TAFA1: variants seen among roughly 807,000 people sequenced by gnomAD.
The protein encoded by TAFA1 is chemokine-like protein TAFA-1.
TAFA1 carries 4 observed loss-of-function variants against 18.5 expected under a neutral mutation model. The observed-to-expected ratio is 0.22, with a 90% confidence interval of 0.11 to 0.49. TAFA1 has a LOEUF of 0.49. Ranked by LOEUF, TAFA1 falls within the 20% of genes least tolerant of loss-of-function variation. The pLI is 0.98. For missense variants in TAFA1, 147 were observed against 169.0 expected (o/e 0.87, Z 0.72); for synonymous variants, 56 against 55.2 (o/e 1.01, Z -0.06).
intron 3 of TAFA1, among the ~76,000 whole-genome samples, chr3:68,474,855 C>T (rs572192964): frequency 6.6e-6 from 1 of 152,116 alleles, no homozygotes; most frequent in African/African-American, 2.4e-5. Flanking sequence ...ACAAAGATAA[C>T]TTTGACTACC....
chr3:68,456,103 C>T (rs776137219), intron 3 of TAFA1, among the ~76,000 whole-genome samples: 3 of 152,080 alleles, frequency 2.0e-5, no homozygotes, highest in Non-Finnish European at 4.4e-5. Flanking sequence ...CAAGGTACTT[C>T]CTGACTTCAG....
chr3:68,248,227 T>A (rs576549746), intron 2 of TAFA1, among the ~76,000 whole-genome samples: 3 of 152,270 alleles, frequency 2.0e-5, no homozygotes, highest in Admixed American at 6.5e-5. Context: ...ATAACCTTTA[T>A]GCAGTGGCAA....
intron 2 of TAFA1, among the ~76,000 whole-genome samples, chr3:68,283,465 T>C (rs1285560241): frequency 2.0e-5 from 3 of 152,222 alleles, no homozygotes; most frequent in Non-Finnish European, 4.4e-5. Flanking sequence ...CTAAATCTAA[T>C]ACATTCCTCA....
At chr3:68,386,567 G>C (rs1310606026) in intron 2 of TAFA1, among the ~76,000 whole-genome samples, 1 of 152,130 alleles carries the variant, frequency 6.6e-6, no homozygotes, top group East Asian at 1.9e-4. Flanking sequence ...GACTGGCCTA[G>C]CTACAGATAG....
At chr3:68,208,147 G>A (rs763374988) in intron 2 of TAFA1, among the ~76,000 whole-genome samples, 1 of 151,970 alleles carries the variant, frequency 6.6e-6, no homozygotes, top group Non-Finnish European at 1.5e-5. Flanking sequence ...AATCACTGCT[G>A]TATGAAGGAT....
intron 2 of TAFA1, among the ~76,000 whole-genome samples, chr3:68,029,640 G>A (rs2106647743): frequency 6.6e-6 from 1 of 152,300 alleles, no homozygotes; most frequent in South Asian, 2.1e-4. Flanking sequence ...CTGCCATGAT[G>A]CAAACGTAAA....
intron 2 of TAFA1, among the ~76,000 whole-genome samples, chr3:68,407,184 T>A (rs1244590074): frequency 1.3e-5 from 2 of 152,126 alleles, no homozygotes; most frequent in African/African-American, 4.8e-5. Flanking sequence ...TTCCCACCAA[T>A]AATTCTGACC....
intron 2 of TAFA1, among the ~76,000 whole-genome samples, chr3:68,140,603 A>G (rs6549018): frequency 0.94 from 142,762 of 152,222 alleles, 67,029 homozygotes; most frequent in South Asian, 0.97. Context: ...TCCAACTTTG[A>G]TCAAGTTCCT....
chr3:68,028,738 C>CT lies in TAFA1; in HGVS notation c.118+22003dup, dbSNP rs1238972612. On this transcript the variant is annotated intron_variant, in intron 2 of 4. Transcript: ENST00000478136. ...CTGTCAAATCTCCCTCAGCCTCACT[C>CT]TTTTTTTTTAAAATTTTTTTTTTTA... 6.2e-4 allele frequency among the ~76,000 whole-genome samples: 62 copies of CT among 100,574 alleles called. No individual in the cohort carries two copies. In the East Asian group the frequency reaches 0.013, roughly 22 times the overall value. The allele number at this position is 100,574 out of a possible 152,430, so 66.0% of individuals were successfully genotyped here.
rs558198088 is a variant in TAFA1, at chr3:68,120,153, C to A, written c.118+113409C>A. On this transcript the variant is annotated intron_variant, in intron 2 of 4. Coordinates refer to ENST00000478136, the MANE Select transcript of TAFA1 (RefSeq NM_213609.4). ...TAAGCCTCCATATTTCATTTTCTTT[C>A]TTTCTTTCTCTTTCTTTCTCTTTCT... 6.7e-4 allele frequency among the ~76,000 whole-genome samples: 99 copies of A among 148,220 alleles called. 1 individual carries two copies. Among genetic ancestry groups the A allele is most frequent in the African/African-American group, 2.4e-3 (94 of 38,506 alleles).
At chr3:68,084,674 T>C (rs561366190) in intron 2 of TAFA1, among the ~76,000 whole-genome samples, 51 of 152,062 alleles carry the variant, frequency 3.4e-4, no homozygotes, top group African/African-American at 1.1e-3. Flanking sequence ...GGCAGGCGGC[T>C]GTGATCCCAG....
intron 2 of TAFA1, among the ~76,000 whole-genome samples, chr3:68,318,136 AG>A (rs1320619840): frequency 1.9e-4 from 29 of 152,284 alleles, no homozygotes; most frequent in African/African-American, 6.5e-4. Context: ...TTTGTCAGTA[AG>A]ATAGAAATTT....
intron 2 of TAFA1, among the ~76,000 whole-genome samples, chr3:68,199,664 A>T (rs2107035763): frequency 6.6e-6 from 1 of 151,676 alleles, no homozygotes; most frequent in Admixed American, 6.6e-5. Flanking sequence ...TGTTGCTGGT[A>T]TATAGGAAAG....
At chr3:68,035,590 TA>T (rs1437573117) in intron 2 of TAFA1, among the ~76,000 whole-genome samples, 1 of 152,182 alleles carries the variant, frequency 6.6e-6, no homozygotes, top group Non-Finnish European at 1.5e-5. Flanking sequence ...TTTATGGGAA[TA>T]AAAAATGACA....
At chr3:68,183,213 G>A (rs1273494632) in intron 2 of TAFA1, among the ~76,000 whole-genome samples, 1 of 152,098 alleles carries the variant, frequency 6.6e-6, no homozygotes, top group Non-Finnish European at 1.5e-5. Flanking sequence ...GTTATCCCAG[G>A]ACCACTTATT....
intron 2 of TAFA1, among the ~76,000 whole-genome samples, chr3:68,138,553 G>T (rs1474675736): frequency 6.6e-6 from 1 of 152,186 alleles, no homozygotes; most frequent in Non-Finnish European, 1.5e-5. Context: ...TGTAAAAGGT[G>T]GTGGAGCAAT....
intron 2 of TAFA1, among the ~76,000 whole-genome samples, chr3:68,411,836 A>G (rs895866303): frequency 6.6e-6 from 1 of 152,322 alleles, no homozygotes. Flanking sequence ...TGGGCAGGAT[A>G]GACTGAAAGA....
intron 2 of TAFA1, among the ~76,000 whole-genome samples, chr3:68,116,985 C>G (rs943166476): frequency 1.3e-5 from 2 of 152,220 alleles, no homozygotes; most frequent in African/African-American, 2.4e-5. Flanking sequence ...ACAGAAACCA[C>G]GTGCTGATCT....
At chr3:68,200,205 A>C (rs762843033) in intron 2 of TAFA1, among the ~76,000 whole-genome samples, 6 of 151,472 alleles carry the variant, frequency 4.0e-5, no homozygotes, top group Non-Finnish European at 5.9e-5. Flanking sequence ...TATAGTGCAT[A>C]ATTCTTTTTA....
Sources: gnomAD v4.1 joint callset for allele counts (sites outside exome capture counted in the v4.1 genomes callset) on GRCh38, gnomAD v4.1.1 for gene constraint, MANE v1.5 for transcripts, NCBI Gene and HGNC (gene_info 2026-07-23, HGNC 2026-07-21) for gene names.